Variants in MYOCD observed in about 807,000 individuals in gnomAD.
The protein encoded by MYOCD is myocardin.
Under a neutral mutation model 96.1 loss-of-function variants are expected in MYOCD, and 32 were observed. The ratio of observed to expected loss-of-function variants is 0.33; its 90% CI spans 0.25 to 0.45. The LOEUF is 0.45. MYOCD is among the 20% of genes least tolerant of loss of function. MYOCD has a pLI of 1.00. For missense variants in MYOCD, 1,133 were observed against 1,200.6 expected (o/e 0.94, Z 0.83); for synonymous variants, 469 against 469.0 (o/e 1.00, Z 0.00).
chr17:12,735,161 CA>C (rs1482517957), intron 5 of MYOCD, among the ~76,000 whole-genome samples: 1 of 152,184 alleles, frequency 6.6e-6, no homozygotes, highest in East Asian at 1.9e-4. Context: ...CTGCACAAGG[CA>C]AGAGTCAAAA....
intron 4 of MYOCD, among the ~76,000 whole-genome samples, chr17:12,719,487 TAAC>T (rs2031756810): frequency 2.0e-5 from 3 of 152,018 alleles, no homozygotes; most frequent in Admixed American, 6.6e-5. Flanking sequence ...GTGAAATGTC[TAAC>T]AATAGAGGAT....
chr17:12,704,958 C>A, intron 1 of MYOCD, 170 bp from the exon 2 acceptor site: 1 of 591,304 alleles, frequency 1.7e-6, no homozygotes, highest in South Asian at 2.2e-5. Context: ...ACCTTCTCAG[C>A]TTCTCTCCTT....
chr17:12,728,149 T>C (rs1376201828), intron 5 of MYOCD, among the ~76,000 whole-genome samples: 1 of 152,220 alleles, frequency 6.6e-6, no homozygotes, highest in Non-Finnish European at 1.5e-5. Flanking sequence ...GAGTTTAGCA[T>C]GGTCTTGCTC....
intron 1 of MYOCD, among the ~76,000 whole-genome samples, chr17:12,684,661 A>G (rs1249797367): frequency 6.6e-6 from 1 of 151,980 alleles, no homozygotes; most frequent in Non-Finnish European, 1.5e-5. Context: ...CCTGGCCAAC[A>G]TAGTGAAACC....
At chr17:12,692,878 A>G (rs994848124) in intron 1 of MYOCD, among the ~76,000 whole-genome samples, 13 of 152,258 alleles carry the variant, frequency 8.5e-5, no homozygotes, top group South Asian at 2.1e-4. Context: ...AATATTAACA[A>G]CAAATAATAG....
chr17:12,666,064 G>T lies in MYOCD; in HGVS notation c.-125G>T, dbSNP rs532173705. ...GCTGCCACTGTACTCCTACCCAGGG[G>T]AGCTCACGGAGAGTTGGATGAATTC... is the stretch of plus-strand genomic sequence containing the variant. On this transcript the variant is annotated 5_prime_UTR_variant, in exon 1 of 14. Transcript: ENST00000425538. 16 of 692,390 alleles carry T rather than the reference G, an allele frequency of 2.3e-5. No individual in the cohort carries two copies. In the East Asian group the frequency reaches 4.3e-4, roughly 19 times the overall value. 42.9% of individuals were successfully genotyped at this position (692,390 alleles called of 1,614,324 possible).
chr17:12,678,503 T>C (rs1008880597), intron 1 of MYOCD, among the ~76,000 whole-genome samples: 53 of 151,798 alleles, frequency 3.5e-4, no homozygotes, highest in African/African-American at 1.2e-3. Context: ...TCTCTTATAA[T>C]TGAGAATGCT....
intron 1 of MYOCD, among the ~76,000 whole-genome samples, chr17:12,668,608 A>T (rs1909499621): frequency 6.6e-6 from 1 of 151,824 alleles, no homozygotes; most frequent in Non-Finnish European, 1.5e-5. Context: ...ATGTTTAGTG[A>T]TATAAACTCA....
intron 5 of MYOCD, among the ~76,000 whole-genome samples, chr17:12,727,303 A>G (rs775066705): frequency 1.2e-4 from 19 of 152,328 alleles, no homozygotes; most frequent in Middle Eastern, 3.4e-3. Context: ...CTCTTTAGCA[A>G]TGACCCTTTA....
At chr17:12,755,973 A>C (rs2033000540) in intron 10 of MYOCD, among the ~76,000 whole-genome samples, 1 of 152,168 alleles carries the variant, frequency 6.6e-6, no homozygotes. Context: ...GGACAGATTG[A>C]TTAGAAAGGG....
intron 11 of MYOCD, among the ~76,000 whole-genome samples, chr17:12,757,408 CCTCCAGCT>C (rs1393192936): frequency 2.0e-5 from 3 of 152,188 alleles, no homozygotes; most frequent in African/African-American, 7.2e-5. Flanking sequence ...CTCAGCAATG[CCTCCAGCT>C]CTCTGCAAAA....
intron 10 of MYOCD, among the ~76,000 whole-genome samples, chr17:12,754,070 GTGTGTA>G (rs1385636705): frequency 1.5e-5 from 2 of 134,536 alleles, no homozygotes; most frequent in Non-Finnish European, 1.5e-5. Context: ...AGGTGTGTGT[GTGTGTA>G]TGTGTGTGTG....
intron 1 of MYOCD, among the ~76,000 whole-genome samples, chr17:12,677,539 C>T (rs558165114): frequency 3.3e-5 from 5 of 151,880 alleles, no homozygotes; most frequent in African/African-American, 1.2e-4. Context: ...AGTGAAACCC[C>T]ATCTCTACTA....
At chr17:12,739,168 G>A in intron 6 of MYOCD, 35 bp from the exon 7 acceptor site, 1 of 1,585,272 alleles carries the variant, frequency 6.3e-7, no homozygotes, top group Non-Finnish European at 8.6e-7. Context: ...ACTTATTCCT[G>A]TATCTTCCTA....
intron 1 of MYOCD, among the ~76,000 whole-genome samples, chr17:12,672,449 A>T (rs1318626379): frequency 6.6e-6 from 1 of 152,244 alleles, no homozygotes; most frequent in Non-Finnish European, 1.5e-5. Flanking sequence ...TAGTAAGTCA[A>T]GCTGTCAAGC....
At chr17:12,693,910 A>G (rs948072467) in intron 1 of MYOCD, among the ~76,000 whole-genome samples, 3 of 152,166 alleles carry the variant, frequency 2.0e-5, no homozygotes, top group East Asian at 1.9e-4. Context: ...AAGCCTAGAA[A>G]GACTGACACC....
At chr17:12,760,794 A>G in intron 13 of MYOCD, 87 bp downstream of exon 13, 1 of 1,090,038 alleles carries the variant, frequency 9.2e-7, no homozygotes, top group Non-Finnish European at 1.4e-6. Flanking sequence ...GATCAGATGC[A>G]CACTGTGAGT....
At position 12,736,243 on chromosome 17, in the gene MYOCD, G is replaced by A; in HGVS notation, c.498G>A (p.Gln166=). The change falls in exon 6 of 14, where the codon CAG becomes CAA. Residue 166 remains glutamine (Q), a synonymous_variant. Transcript: ENST00000425538. ...DSSSDGLSPD[Q]TRSEDPQNSA... is the part of the protein sequence containing the mutation. ...GCAGCGATGGGCTTTCTCCGGATCA[G>A]ACTCGAAGTGAAGACCCCCAAAACT... 6.2e-7 allele frequency: 1 copy of A among 1,614,226 alleles called. No individual in the cohort carries two copies. Among genetic ancestry groups the A allele is most frequent in the South Asian group, 1.1e-5 (1 of 91,092 alleles).
In MYOCD at chr17:12,681,327, T is replaced by G. The variant is rs149278010; in HGVS notation, c.55+15084T>G. Reference sequence around the variant, plus strand: ...CTATTCCTCTAGTGTCTTGAGTTATTTTAACATGAAAGCCTCAAGCTCACA... The same window carrying G: ...CTATTCCTCTAGTGTCTTGAGTTATGTTAACATGAAAGCCTCAAGCTCACA... On this transcript the variant is annotated intron_variant, in intron 1 of 13. Coordinates refer to ENST00000425538, the MANE Select transcript of MYOCD (RefSeq NM_001146312.3). Among the ~76,000 whole-genome samples, 152 of 152,292 alleles carry G rather than the reference T, an allele frequency of 1.0e-3. 1 individual carries two copies. Among genetic ancestry groups the G allele is most frequent in the East Asian group, 8.7e-3 (45 of 5,172 alleles).
Sources: gnomAD v4.1 joint callset for allele counts (sites outside exome capture counted in the v4.1 genomes callset) on GRCh38, gnomAD v4.1.1 for gene constraint, MANE v1.5 for transcripts, NCBI Gene and HGNC (gene_info 2026-07-23, HGNC 2026-07-21) for gene names.